The following INF2 variants were observed in gnomAD, a reference collection of about 807,000 sequenced individuals.
INF2 encodes the protein inverted formin-2.
In INF2, 43 loss-of-function variants were observed where a neutral mutation model predicts 123.5. That is an observed-to-expected ratio of 0.35 (90% CI 0.27 to 0.45). The LOEUF (loss-of-function observed/expected upper bound fraction) is 0.45. Among genes scored for constraint, INF2 ranks in the 20% least tolerant of loss-of-function variants. The probability of loss-of-function intolerance (pLI) is 1.00; values close to 1 mark genes in which losing one functional copy is unlikely to be tolerated. For missense variants in INF2, 1,453 were observed against 1,682.7 expected (o/e 0.86, Z 2.39); for synonymous variants, 851 against 745.0 (o/e 1.14, Z -2.32).
At chr14:104,710,764 G>A (rs939356637) in intron 13 of INF2, 173 bp from the exon 14 acceptor site, 10 of 613,436 alleles carry the variant, frequency 1.6e-5, no homozygotes, top group Middle Eastern at 4.3e-4. Flanking sequence ...CACTCCCGTC[G>A]GTGGAGGGTT....
At chr14:104,716,095 G>C in intron 22 of INF2, 1 of 377,926 alleles carries the variant, frequency 2.6e-6, no homozygotes, top group Admixed American at 3.2e-5. Flanking sequence ...AGGGGCTAGA[G>C]CAGAGAACCA....
Position 104,699,522 on chromosome 14 carries a change from A to C in INF2, c.-9-1835A>C, listed in dbSNP as rs1464896073. ...CAGCGGTCAGCAGCGATGAGAAGCCAGGGGAGCGTGAGGAGCAGCCCAGGA... is the reference window on the plus strand; with the variant it reads ...CAGCGGTCAGCAGCGATGAGAAGCCCGGGGAGCGTGAGGAGCAGCCCAGGA... On this transcript the variant is annotated intron_variant, in intron 1 of 22. Coordinates refer to ENST00000392634, the MANE Select transcript of INF2 (RefSeq NM_022489.4). The surrounding 1 kb of genome is among the most constrained non-coding windows in gnomAD (Gnocchi z 4.7). The C allele has an allele frequency of 9.0e-5, 89 of 985,074 alleles. No individual in the cohort carries two copies. Among genetic ancestry groups the C allele is most frequent in the Non-Finnish European group, 1.0e-4 (84 of 829,838 alleles). 61.0% of individuals were successfully genotyped at this position (985,074 alleles called of 1,614,324 possible). A position where few individuals can be genotyped will look rare whatever the true frequency, so the allele number is the denominator to read the frequency against.
Position 104,719,753 on chromosome 14 carries a change from G to C in INF2, c.*960G>C, listed in dbSNP as rs1004309817. ...CCGTGTGAACACTCACTGTTGAGGG[G>C]TCCCTGGGCCCCCAGGCACCGTGTG... On this transcript the variant is annotated 3_prime_UTR_variant, in exon 23 of 23. Coordinates refer to ENST00000392634, the MANE Select transcript of INF2 (RefSeq NM_022489.4). 1.3e-5 allele frequency: 2 copies of C among 151,470 alleles called. No homozygotes were observed. Among genetic ancestry groups the C allele is most frequent in the African/African-American group, 2.5e-5 (1 of 40,764 alleles). 9.4% of individuals were successfully genotyped at this position (151,470 alleles called of 1,614,324 possible).
chr14:104,687,719 C>T (rs535126520), upstream of INF2, among the ~76,000 whole-genome samples: 1 of 152,284 alleles, frequency 6.6e-6, no homozygotes, highest in South Asian at 2.1e-4. The surrounding 1 kb of genome is among the most constrained non-coding windows in gnomAD (Gnocchi z 5.6). Context: ...GGGCCTCCCT[C>T]CCCCATCAGG....
At chr14:104,716,836 A>C (rs929657935) in intron 22 of INF2, among the ~76,000 whole-genome samples, 2 of 152,166 alleles carry the variant, frequency 1.3e-5, no homozygotes, top group African/African-American at 4.8e-5. Context: ...GACCACAGGC[A>C]CACGCCACCA....
intron 1 of INF2, among the ~76,000 whole-genome samples, chr14:104,682,058 G>A (rs1035593594): frequency 6.6e-6 from 1 of 152,220 alleles, no homozygotes; most frequent in Non-Finnish European, 1.5e-5. Flanking sequence ...CAGCCTGTGC[G>A]GCGGCATGGG....
chr14:104,708,699 TG>T lies in INF2; in HGVS notation c.1917del (p.Asn640ThrfsTer6). 6.2e-7 allele frequency: 1 copy of T among 1,613,092 alleles called. No individual in the cohort carries two copies. The highest frequency in any genetic ancestry group is 8.5e-7 in the Non-Finnish European group (1 of 1,179,850). ...EITFLDAKKS[L>X]NLNIFLKQFK... ...ACTTTCCTCGATGCCAAGAAGAGCC[TG>T]AACCTCAACATCTTCCTGAAGCAAT... On this transcript the variant is annotated frameshift_variant, in exon 10 of 23. Transcript: ENST00000392634. LOFTEE classifies it high-confidence loss of function.
chr14:104,708,171 G>A (rs1397918174), intron 8 of INF2, 169 bp downstream of exon 8: 4 of 1,148,788 alleles, frequency 3.5e-6, no homozygotes, highest in Non-Finnish European at 4.9e-6. Flanking sequence ...GGTGGGGACG[G>A]GGGAGGAGCA....
chr14:104,694,094 C>A (rs1014366313), intron 1 of INF2, among the ~76,000 whole-genome samples: 6 of 152,242 alleles, frequency 3.9e-5, no homozygotes, highest in Non-Finnish European at 1.5e-5. Flanking sequence ...TGGGCCAGGC[C>A]AGGCTGTGGA....
chr14:104,701,443 G>C lies in INF2; in HGVS notation c.78G>C (p.Thr26=). 6.3e-7 allele frequency: 1 copy of C among 1,596,696 alleles called. No homozygotes were observed. The highest frequency in any genetic ancestry group is 1.1e-5 in the South Asian group (1 of 88,510). ...EKLGPQDSDP[T]EANLESADPE... is the part of the protein sequence containing the mutation. ...TGGGGCCACAGGATTCGGACCCCAC[G>C]GAGGCCAACCTGGAGAGCGCGGACC... Residue 26 remains threonine (T), a synonymous_variant, in exon 2 of 23, where the codon ACG becomes ACC. Coordinates refer to ENST00000392634, the MANE Select transcript of INF2 (RefSeq NM_022489.4).
Position 104,721,005 on chromosome 14 carries a change from G to C in INF2, c.*2212G>C, listed in dbSNP as rs1209428499. Reference sequence around the variant, plus strand: ...TGGACGTCTGCGTCGTCCTCCTGTGGATGCTGCTGTGGACGTCTGCGTCGT... The same window carrying C: ...TGGACGTCTGCGTCGTCCTCCTGTGCATGCTGCTGTGGACGTCTGCGTCGT... On this transcript the variant is annotated 3_prime_UTR_variant, in exon 23 of 23. Transcript: ENST00000392634. 1 of 75,972 alleles carries C rather than the reference G, an allele frequency of 1.3e-5. No individual in the cohort carries two copies. Among genetic ancestry groups the C allele is most frequent in the Non-Finnish European group, 2.4e-5 (1 of 41,762 alleles). 4.7% of individuals were successfully genotyped at this position (75,972 alleles called of 1,614,324 possible).
At chr14:104,691,475 C>A (rs1357024939) in intron 1 of INF2, among the ~76,000 whole-genome samples, 1 of 152,164 alleles carries the variant, frequency 6.6e-6, no homozygotes, top group Non-Finnish European at 1.5e-5. Context: ...CTGCTGCCAG[C>A]CCCTCCCCTA....
chr14:104,682,344 C>T (rs756110787), intron 1 of INF2, among the ~76,000 whole-genome samples: 19 of 152,162 alleles, frequency 1.2e-4, no homozygotes, highest in Non-Finnish European at 2.6e-4. Flanking sequence ...TCACCTCCCA[C>T]CCTGGAAGAG....
At position 104,715,455 on chromosome 14, in the gene INF2, G is replaced by A. The variant is rs563344110; in HGVS notation, c.*1+115G>A. On this transcript the variant is annotated intron_variant, in intron 22 of 22. Coordinates refer to ENST00000392634, the MANE Select transcript of INF2 (RefSeq NM_022489.4). ...AACCTGGCTTCTCTCCAGCCCGCGTGGTGCGTCAGTGTGGCCTTGCCGCTC... is the reference window on the plus strand; with the variant it reads ...AACCTGGCTTCTCTCCAGCCCGCGTAGTGCGTCAGTGTGGCCTTGCCGCTC... 8.3e-5 allele frequency: 83 copies of A among 1,002,876 alleles called. 1 individual carries two copies. The East Asian group carries it at 1.7e-3, about 21-fold the overall frequency. 62.1% of individuals were successfully genotyped at this position (1,002,876 alleles called of 1,614,324 possible). A position where few individuals can be genotyped will look rare whatever the true frequency, so the allele number is the denominator to read the frequency against.
At chr14:104,711,744 C>T in intron 16 of INF2, 45 bp downstream of exon 16, 5 of 1,577,770 alleles carry the variant, frequency 3.2e-6, no homozygotes, top group South Asian at 1.1e-5. Context: ...AGGTGGGGGC[C>T]TGACTTCTGT....
chr14:104,694,508 A>G (rs1889093525), intron 1 of INF2, among the ~76,000 whole-genome samples: 1 of 152,228 alleles, frequency 6.6e-6, no homozygotes, highest in Admixed American at 6.5e-5. Flanking sequence ...GCGGGCGGTC[A>G]GTGCGTGGTT....
rs142433719 is a variant in INF2 at position 104,698,418 on chromosome 14, C to T, written c.-9-2939C>T. Among the ~76,000 whole-genome samples the T allele has an allele frequency of 7.2e-4, 109 of 152,374 alleles. 1 individual carries two copies. The highest frequency in any genetic ancestry group is 2.1e-3 in the Admixed American group (32 of 15,306). ...CACCGCCACCCGCGTTTAGCAGAGA[C>T]TCACAGGCGGGCGGGGGAGTGGGAA... On this transcript the variant is annotated intron_variant, in intron 1 of 22. Coordinates refer to ENST00000392634, the MANE Select transcript of INF2 (RefSeq NM_022489.4).
At position 104,714,197 on chromosome 14, in the gene INF2, A is replaced by G; in HGVS notation, c.3041-6A>G. On this transcript the variant is annotated splice_region_variant and splice_polypyrimidine_tract_variant and intron_variant, in intron 20 of 22. Transcript: ENST00000392634. ...CTGCCCTTCACTGGTGTGTCCCTCC[A>G]TCCAGTGGCCACCAGTAACCCTGCA... The G allele has an allele frequency of 6.6e-7, 1 of 1,512,734 alleles. No homozygotes were observed. Among genetic ancestry groups the G allele is most frequent in the Non-Finnish European group, 8.8e-7 (1 of 1,131,212 alleles). 93.7% of individuals were successfully genotyped at this position (1,512,734 alleles called of 1,614,324 possible). A position where few individuals can be genotyped will look rare whatever the true frequency, so the allele number is the denominator to read the frequency against.
chr14:104,717,111 G>C (rs1890332158), intron 22 of INF2, among the ~76,000 whole-genome samples: 1 of 152,196 alleles, frequency 6.6e-6, no homozygotes, highest in Non-Finnish European at 1.5e-5. Flanking sequence ...TGACCATTTT[G>C]CTACATTGCC....
Sources: gnomAD v4.1 joint callset for allele counts (sites outside exome capture counted in the v4.1 genomes callset) on GRCh38, gnomAD v4.1.1 for gene constraint, Gnocchi (gnomAD v3.1) non-coding constraint, MANE v1.5 for transcripts, NCBI Gene and HGNC (gene_info 2026-07-23, HGNC 2026-07-21) for gene names.